The following FLRT2 variants were observed in gnomAD, a reference collection of about 807,000 sequenced individuals.
FLRT2 encodes leucine-rich repeat transmembrane protein FLRT2.
FLRT2 carries 15 observed loss-of-function variants against 40.0 expected under a neutral mutation model. The ratio of observed to expected loss-of-function variants is 0.38; its 90% CI spans 0.25 to 0.58. FLRT2 has a LOEUF of 0.58. Ranked by LOEUF, FLRT2 falls within the 20% of genes least tolerant of loss-of-function variation. The pLI is 0.71. For synonymous variants in FLRT2, 380 were observed against 336.8 expected, an observed-to-expected ratio of 1.13 and a Z score of -1.41; for missense variants, 726 against 840.0, an observed-to-expected ratio of 0.86 and a Z score of 1.68.
rs1894368512 is a variant in FLRT2, at chr14:85,648,872, A to G, written c.*25375A>G. 6.6e-6 allele frequency: 1 copy of G among 152,158 alleles called. No homozygotes were observed. The allele number at this position is 152,158 out of a possible 1,614,324, so 9.4% of individuals were successfully genotyped here. Reference sequence around the variant, plus strand: ...ATTTATTTTGATAAGGACTTAACACAATGCTTGGCACATAAGAGGAATTAA... The same window carrying G: ...ATTTATTTTGATAAGGACTTAACACGATGCTTGGCACATAAGAGGAATTAA... On this transcript the variant is annotated 3_prime_UTR_variant, in exon 2 of 2. Coordinates refer to ENST00000330753, the MANE Select transcript of FLRT2 (RefSeq NM_013231.6).
intron 1 of FLRT2, among the ~76,000 whole-genome samples, chr14:85,618,718 T>C (rs1160792223): frequency 1.3e-5 from 2 of 152,238 alleles, no homozygotes; most frequent in Non-Finnish European, 2.9e-5. Context: ...TTACATTTAA[T>C]AAATTAAAAC....
chr14:85,560,030 A>G (rs572577237), intron 1 of FLRT2, among the ~76,000 whole-genome samples: 2 of 152,216 alleles, frequency 1.3e-5, no homozygotes, highest in African/African-American at 4.8e-5. Flanking sequence ...TGTTAATGCT[A>G]TTTTGTCATT....
At position 85,624,757 on chromosome 14, in the gene FLRT2, T is replaced by TTTAA. The variant is rs28364858; in HGVS notation, c.*1260_*1261insTTAA. ...AGTCTTGGCTGCACAAGATATCCAT[T>TTTAA]ACGTACTTATACATTTTAAAATGAG... On this transcript the variant is annotated 3_prime_UTR_variant, in exon 2 of 2. Transcript: ENST00000330753. The TTTAA allele has an allele frequency of 2.2e-4, 36 of 167,150 alleles. No individual in the cohort carries two copies. In the East Asian group the frequency reaches 3.1e-3, roughly 14 times the overall value. 10.4% of individuals were successfully genotyped at this position (167,150 alleles called of 1,614,324 possible).
At chr14:85,577,651 G>A (rs549342672) in intron 1 of FLRT2, among the ~76,000 whole-genome samples, 35 of 151,720 alleles carry the variant, frequency 2.3e-4, no homozygotes, top group African/African-American at 7.5e-4. Flanking sequence ...CAGTGGTGCC[G>A]TCATAGCTTG....
Position 85,654,079 on chromosome 14 carries a change from G to A in FLRT2, c.*30582G>A, listed in dbSNP as rs929316038. On this transcript the variant is annotated 3_prime_UTR_variant, in exon 2 of 2. Coordinates refer to ENST00000330753, the MANE Select transcript of FLRT2 (RefSeq NM_013231.6). The stretch of plus-strand genomic sequence containing the variant: ...ATCAGAATGATTTCACTTAAGGCAA[G>A]GCATATTAAAATACAAATTCGTAAA... The A allele has an allele frequency of 8.5e-5, 13 of 152,060 alleles. No homozygotes were observed. Among genetic ancestry groups the A allele is most frequent in the African/African-American group, 2.7e-4 (11 of 41,406 alleles). The allele number at this position is 152,060 out of a possible 1,614,324, so 9.4% of individuals were successfully genotyped here. A position where few individuals can be genotyped will look rare whatever the true frequency, so the allele number is the denominator to read the frequency against.
At chr14:85,587,877 G>T (rs958560184) in intron 1 of FLRT2, among the ~76,000 whole-genome samples, 6 of 152,046 alleles carry the variant, frequency 3.9e-5, no homozygotes, top group Non-Finnish European at 7.4e-5. Context: ...TGGAACTGTG[G>T]CATGGTGAAT....
intron 1 of FLRT2, among the ~76,000 whole-genome samples, chr14:85,615,847 C>T (rs750788239): frequency 1.1e-4 from 16 of 146,470 alleles, no homozygotes; most frequent in Admixed American, 2.7e-4. Context: ...TTCTATTACG[C>T]GATTGGCAAT....
Position 85,639,844 on chromosome 14 carries a change from T to A in FLRT2, c.*16347T>A, listed in dbSNP as rs956409084. ...ACTAGCAGAAATTCTTTATTTTTTTTTTTTTCCTTTTTTTTTTTTTTTGAG... is the reference window on the plus strand; with the variant it reads ...ACTAGCAGAAATTCTTTATTTTTTTATTTTTCCTTTTTTTTTTTTTTTGAG... On this transcript the variant is annotated 3_prime_UTR_variant, in exon 2 of 2. Transcript: ENST00000330753. 9.6e-6 allele frequency: 1 copy of A among 104,086 alleles called. No individual in the cohort carries two copies. Among genetic ancestry groups the A allele is most frequent in the African/African-American group, 4.1e-5 (1 of 24,272 alleles). 6.4% of individuals were successfully genotyped at this position (104,086 alleles called of 1,614,324 possible).
Position 85,639,232 on chromosome 14 carries a change from C to T in FLRT2, c.*15735C>T, listed in dbSNP as rs1894086040. 6.6e-6 allele frequency: 1 copy of T among 152,194 alleles called. No homozygotes were observed. Among genetic ancestry groups the T allele is most frequent in the Non-Finnish European group, 1.5e-5 (1 of 68,042 alleles). 9.4% of individuals were successfully genotyped at this position (152,194 alleles called of 1,614,324 possible). ...GTGATGACTCTCATTCACTGTTGCC[C>T]TGTTTCCTTTTCCTTGACAAATTCA... On this transcript the variant is annotated 3_prime_UTR_variant, in exon 2 of 2. Transcript: ENST00000330753.
At chr14:85,600,052 C>T (rs1892313383) in intron 1 of FLRT2, among the ~76,000 whole-genome samples, 1 of 152,100 alleles carries the variant, frequency 6.6e-6, no homozygotes, top group Non-Finnish European at 1.5e-5. Context: ...GACGCAAGTG[C>T]AGTTCAGCTC....
rs992672230 is a variant in FLRT2, at chr14:85,622,308, A to G, written c.794A>G (p.Asn265Ser). The G allele has an allele frequency of 6.2e-7, 1 of 1,614,074 alleles. No homozygotes were observed. The highest frequency in any genetic ancestry group is 8.5e-7 in the Non-Finnish European group (1 of 1,180,006). ...IRLYLQDNQI[N>S]HIPLTAFSNL... is the part of the protein sequence containing the mutation. ...CTCTATTTGCAGGACAACCAGATAAACCACATTCCTTTGACAGCCTTCTCA... is the reference window on the plus strand; with the variant it reads ...CTCTATTTGCAGGACAACCAGATAAGCCACATTCCTTTGACAGCCTTCTCA... Residue 265 changes from asparagine to serine, a missense_variant, in exon 2 of 2, where the codon AAC (asparagine) becomes AGC (serine). Asn to Ser is a conservative substitution (Grantham distance 46, BLOSUM62 1). Around this residue, in one of 3 missense-constraint regions of FLRT2, gnomAD observed 611 missense variants for 690.0 expected, o/e 0.89. Coordinates refer to ENST00000330753, the MANE Select transcript of FLRT2 (RefSeq NM_013231.6).
At position 85,621,103 on chromosome 14, in the gene FLRT2, T is replaced by C. The variant is rs1240771561; in HGVS notation, c.-376-36T>C. ...TTGGGCACTTCTTTCATTACTGCCT[T>C]TAACTGACCATTTCCTCTTTTCTTT... On this transcript the variant is annotated intron_variant, in intron 1 of 1. Coordinates refer to ENST00000330753, the MANE Select transcript of FLRT2 (RefSeq NM_013231.6). 3.6e-5 allele frequency: 7 copies of C among 193,094 alleles called. No homozygotes were observed. The Admixed American group carries it at 3.7e-4, about 10-fold the overall frequency. The allele number at this position is 193,094 out of a possible 1,614,324, so 12.0% of individuals were successfully genotyped here.
Position 85,643,363 on chromosome 14 carries a change from C to T in FLRT2, c.*19866C>T, listed in dbSNP as rs1257390463. On this transcript the variant is annotated 3_prime_UTR_variant, in exon 2 of 2. Transcript: ENST00000330753. ...TCTTTCTTTCTTTCTTTCTTCCTTCCTTCCTTCCTTCCTTTCTTTCCTTTC... is the reference window on the plus strand; with the variant it reads ...TCTTTCTTTCTTTCTTTCTTCCTTCTTTCCTTCCTTCCTTTCTTTCCTTTC... 67 of 124,004 alleles carry T rather than the reference C, an allele frequency of 5.4e-4. No homozygotes were observed. The highest frequency in any genetic ancestry group is 1.6e-3 in the East Asian group (6 of 3,868). The allele number at this position is 124,004 out of a possible 1,614,324, so 7.7% of individuals were successfully genotyped here.
At chr14:85,603,784 A>G (rs1037567834) in intron 1 of FLRT2, among the ~76,000 whole-genome samples, 4 of 152,144 alleles carry the variant, frequency 2.6e-5, no homozygotes, top group South Asian at 2.1e-4. Context: ...ACAAGAATCA[A>G]TTGAACCCAG....
At chr14:85,607,364 G>A (rs1047280584) in intron 1 of FLRT2, among the ~76,000 whole-genome samples, 1 of 152,170 alleles carries the variant, frequency 6.6e-6, no homozygotes, top group African/African-American at 2.4e-5. Context: ...TAGAGTCTGG[G>A]AAAGCAATTA....
chr14:85,564,195 C>G (rs1272499337), intron 1 of FLRT2, among the ~76,000 whole-genome samples: 1 of 152,178 alleles, frequency 6.6e-6, no homozygotes, highest in Non-Finnish European at 1.5e-5. Context: ...ATATTTCAGC[C>G]AAATGGCATT....
chr14:85,576,663 G>A (rs1406408963), intron 1 of FLRT2, among the ~76,000 whole-genome samples: 1 of 152,278 alleles, frequency 6.6e-6, no homozygotes, highest in South Asian at 2.1e-4. Context: ...GACCTTTTAG[G>A]GGTAAGTTAA....
chr14:85,619,909 A>G (rs2139366831), intron 1 of FLRT2, among the ~76,000 whole-genome samples: 1 of 152,306 alleles, frequency 6.6e-6, no homozygotes, highest in East Asian at 1.9e-4. Context: ...GAAATTTGCT[A>G]AAAGACCTCC....
intron 1 of FLRT2, among the ~76,000 whole-genome samples, chr14:85,589,299 G>T (rs1337539775): frequency 6.6e-6 from 1 of 152,022 alleles, no homozygotes; most frequent in African/African-American, 2.4e-5. Context: ...CTGCATATAA[G>T]GTATTTTTAC....
Sources: gnomAD v4.1 joint callset for allele counts (sites outside exome capture counted in the v4.1 genomes callset) on GRCh38, gnomAD v4.1.1 for gene constraint, gnomAD v4.1.1 regional missense constraint, MANE v1.5 for transcripts, NCBI Gene and HGNC (gene_info 2026-07-23, HGNC 2026-07-21) for gene names.